The following CACNA1E variants were observed in gnomAD, a reference collection of about 807,000 sequenced individuals.
The protein encoded by CACNA1E is voltage-dependent R-type calcium channel subunit alpha-1E.
A neutral mutation model predicts 259.2 loss-of-function variants in CACNA1E; 40 were observed. The ratio of observed to expected loss-of-function variants is 0.15; its 90% CI spans 0.12 to 0.20. CACNA1E has a LOEUF of 0.20. Ranked by LOEUF, CACNA1E falls within the 10% of genes least tolerant of loss-of-function variation. The pLI is 1.00. For synonymous variants in CACNA1E, 1,104 were observed against 1,138.5 expected, an observed-to-expected ratio of 0.97 and a Z score of 0.61; for missense variants, 1,874 against 3,040.1, an observed-to-expected ratio of 0.62 and a Z score of 9.02.
chr1:181,452,135 G>A (rs1158546207), intron 2 of CACNA1E, among the ~76,000 whole-genome samples: 2 of 152,160 alleles, frequency 1.3e-5, no homozygotes, highest in East Asian at 1.9e-4. Flanking sequence ...TTGCCTTTGT[G>A]GTAATCCTGA....
intron 7 of CACNA1E, among the ~76,000 whole-genome samples, chr1:181,676,143 G>A (rs1649354203): frequency 6.6e-6 from 1 of 152,290 alleles, no homozygotes; most frequent in South Asian, 2.1e-4. Context: ...GCTGTGCGAG[G>A]CTTATACAAA....
intron 2 of CACNA1E, among the ~76,000 whole-genome samples, chr1:181,471,727 T>C (rs1049293541): frequency 1.3e-5 from 2 of 152,230 alleles, no homozygotes; most frequent in African/African-American, 4.8e-5. Context: ...AGTGATATAA[T>C]TCCCTTTTGG....
intron 2 of CACNA1E, among the ~76,000 whole-genome samples, chr1:181,423,018 C>A (rs1557991928): frequency 6.6e-6 from 1 of 152,126 alleles, no homozygotes; most frequent in Non-Finnish European, 1.5e-5. Flanking sequence ...AACCCTAATC[C>A]CCTTAATCTT....
At chr1:181,637,939 T>C (rs1657388568) in intron 6 of CACNA1E, among the ~76,000 whole-genome samples, 2 of 152,160 alleles carry the variant, frequency 1.3e-5, no homozygotes, top group Non-Finnish European at 2.9e-5. Context: ...AGAAGCTGGA[T>C]GTGGCTGTGT....
chr1:181,563,211 C>G (rs1194970296), intron 3 of CACNA1E, among the ~76,000 whole-genome samples: 1 of 152,126 alleles, frequency 6.6e-6, no homozygotes, highest in African/African-American at 2.4e-5. Context: ...TGGGTATTTT[C>G]TTTTAAATAC....
chr1:181,565,019 A>G (rs1349865742), intron 3 of CACNA1E, among the ~76,000 whole-genome samples: 1 of 152,086 alleles, frequency 6.6e-6, no homozygotes, highest in Non-Finnish European at 1.5e-5. Context: ...ATTTAGCATA[A>G]TTTTTAAGGG....
At chr1:181,597,484 G>A (rs569550359) in intron 6 of CACNA1E, among the ~76,000 whole-genome samples, 1 of 152,226 alleles carries the variant, frequency 6.6e-6, no homozygotes, top group African/African-American at 2.4e-5. Flanking sequence ...AAATAATACC[G>A]AAAATACAGA....
At chr1:181,780,417 C>T (rs935651508) in intron 38 of CACNA1E, among the ~76,000 whole-genome samples, 4 of 152,192 alleles carry the variant, frequency 2.6e-5, no homozygotes, top group Non-Finnish European at 4.4e-5. Context: ...GAGGCCAAGC[C>T]TGCTAGGTAA....
At chr1:181,420,667 A>G (rs1279588443) in intron 2 of CACNA1E, among the ~76,000 whole-genome samples, 2 of 152,180 alleles carry the variant, frequency 1.3e-5, no homozygotes, top group Non-Finnish European at 2.9e-5. Context: ...ATGGTAGGTG[A>G]TTTGCATGTA....
intron 3 of CACNA1E, among the ~76,000 whole-genome samples, chr1:181,533,505 A>G (rs1667936189): frequency 6.6e-6 from 1 of 151,592 alleles, no homozygotes; most frequent in East Asian, 1.9e-4. Flanking sequence ...ATTAATGACT[A>G]TATTTTTATA....
At chr1:181,481,667 A>G (rs1017747266), upstream of CACNA1E, among the ~76,000 whole-genome samples, 4 of 152,078 alleles carry the variant, frequency 2.6e-5, no homozygotes, top group African/African-American at 9.7e-5. Flanking sequence ...AACACAGAAG[A>G]CGGTGTGCCC....
intron 2 of CACNA1E, among the ~76,000 whole-genome samples, chr1:181,446,528 A>C (rs1241612929): frequency 6.6e-6 from 1 of 152,238 alleles, no homozygotes; most frequent in Non-Finnish European, 1.5e-5. Flanking sequence ...AATGTACTAT[A>C]TGAAGATTCA....
intron 7 of CACNA1E, among the ~76,000 whole-genome samples, chr1:181,704,898 G>A (rs749048952): frequency 2.0e-5 from 3 of 152,218 alleles, no homozygotes; most frequent in Non-Finnish European, 2.9e-5. Context: ...CATCTTCATC[G>A]CTAGACAAGC....
chr1:181,733,548 G>A lies in CACNA1E; in HGVS notation c.3060G>A (p.Val1020=), dbSNP rs781551796. Residue 1020 remains valine (V), a synonymous_variant, in exon 21 of 48, where the codon GTG becomes GTA. Transcript: ENST00000367573. ...AGCTGGAAGTGGGGAAGCACGTGGT[G>A]CTGACGGAGCAGGAGCCAGAAGGCA... ...HPELEVGKHV[V]LTEQEPEGSS... is the part of the protein sequence containing the mutation. 4 of 1,612,644 alleles carry A rather than the reference G, an allele frequency of 2.5e-6. No individual in the cohort carries two copies. The South Asian group carries it at 4.4e-5, about 18-fold the overall frequency.
chr1:181,793,555 C>G (rs1268466776), intron 44 of CACNA1E, 110 bp from the exon 45 acceptor site: 2 of 1,171,102 alleles, frequency 1.7e-6, no homozygotes, highest in African/African-American at 3.1e-5. Context: ...CTTAAAGCTG[C>G]AAGTCTCTCT....
chr1:181,785,743 C>A lies in CACNA1E; in HGVS notation c.5710C>A (p.Pro1904Thr), dbSNP rs149629433. Residue 1904 changes from proline to threonine, a missense_variant, in exon 43 of 48, where the codon CCT (proline) becomes ACT (threonine). By Grantham distance (38) the Pro-to-Thr change is conservative (BLOSUM62 -1). Transcript: ENST00000367573. ...KNAPMFQRME[P>T]SSLPQEIIAN... is the part of the protein sequence containing the mutation. ...TGCCCCCATGTTCCAGCGCATGGAG[C>A]CTTCATCTCTGCCTCAGGAGATCAT... 670 of 1,613,258 alleles carry A rather than the reference C, an allele frequency of 4.2e-4. 2 individuals are homozygous for A. In the Admixed American group the frequency reaches 0.011, roughly 27 times the overall value.
At chr1:181,688,671 T>C (rs905455934) in intron 7 of CACNA1E, among the ~76,000 whole-genome samples, 3 of 152,218 alleles carry the variant, frequency 2.0e-5, no homozygotes, top group African/African-American at 7.2e-5. Flanking sequence ...ACATTTGCTA[T>C]CTACTCTCAG....
At chr1:181,421,296 A>G (rs958025393) in intron 2 of CACNA1E, among the ~76,000 whole-genome samples, 2 of 152,140 alleles carry the variant, frequency 1.3e-5, no homozygotes, top group African/African-American at 4.8e-5. Flanking sequence ...TAGAGGAGAG[A>G]AATAATACCT....
intron 1 of CACNA1E, among the ~76,000 whole-genome samples, chr1:181,394,998 T>C (rs904947979): frequency 1.1e-4 from 17 of 152,164 alleles, no homozygotes; most frequent in African/African-American, 3.6e-4. Context: ...CAGGATGCTA[T>C]GCAGAGAGGA....
Sources: allele counts gnomAD v4.1 joint callset (sites outside exome capture counted in the v4.1 genomes callset), GRCh38; gene constraint gnomAD v4.1.1; transcripts MANE v1.5; gene names NCBI Gene and HGNC (gene_info 2026-07-23, HGNC 2026-07-21).